GRK3: variants seen among roughly 807,000 people sequenced by gnomAD.
GRK3 encodes adrenergic, beta, receptor kinase 2.
A neutral mutation model predicts 95.7 loss-of-function variants in GRK3; 54 were observed. That is an observed-to-expected ratio of 0.56 (90% CI 0.45 to 0.71). The LOEUF is 0.71. GRK3 is among the 30% of genes least tolerant of loss of function. The probability of loss-of-function intolerance (pLI) is 0.00; values close to 1 mark genes in which losing one functional copy is unlikely to be tolerated. For missense variants in GRK3, 649 were observed against 851.2 expected, an observed-to-expected ratio of 0.76 and a Z score of 2.96; for synonymous variants, 281 against 290.8, an observed-to-expected ratio of 0.97 and a Z score of 0.34.
intron 2 of GRK3, among the ~76,000 whole-genome samples, chr22:25,635,681 C>G (rs189984902): frequency 1.1e-4 from 17 of 152,250 alleles, no homozygotes; most frequent in Admixed American, 2.6e-4. Flanking sequence ...TTACGTTGTC[C>G]CAAGTCTGAT....
intron 1 of GRK3, among the ~76,000 whole-genome samples, chr22:25,576,783 G>A (rs1387103049): frequency 1.3e-5 from 2 of 152,190 alleles, no homozygotes; most frequent in Non-Finnish European, 2.9e-5. Flanking sequence ...GACTAGAGGA[G>A]CACTGTCAAT....
At chr22:25,690,983 T>C (rs2085160702) in intron 12 of GRK3, among the ~76,000 whole-genome samples, 1 of 152,150 alleles carries the variant, frequency 6.6e-6, no homozygotes. Flanking sequence ...CTTCTGGGTG[T>C]GGCCCTGCTT....
chr22:25,653,908 C>T (rs1033019595), intron 3 of GRK3, among the ~76,000 whole-genome samples: 6 of 152,080 alleles, frequency 3.9e-5, no homozygotes, highest in Non-Finnish European at 7.4e-5. Context: ...AGCCTGGTCT[C>T]GAACTCCTGA....
intron 1 of GRK3, among the ~76,000 whole-genome samples, chr22:25,570,315 C>T (rs1309927014): frequency 6.6e-6 from 1 of 152,214 alleles, no homozygotes; most frequent in African/African-American, 2.4e-5. Context: ...TCTCACCCCC[C>T]AAGGCCTCAA....
At position 25,663,724 on chromosome 22, in the gene GRK3, A is replaced by C; in HGVS notation, c.441+20A>C. ...TTTCAGGTAAGATAAAATTATTCCAAAATAAATAGATAATATTTGCTTAAC... is the reference window on the plus strand; with the variant it reads ...TTTCAGGTAAGATAAAATTATTCCACAATAAATAGATAATATTTGCTTAAC... On this transcript the variant is annotated intron_variant, in intron 5 of 20. Coordinates refer to ENST00000324198, the MANE Select transcript of GRK3 (RefSeq NM_005160.4). 1.3e-6 allele frequency: 2 copies of C among 1,528,326 alleles called. No individual in the cohort carries two copies. The highest frequency in any genetic ancestry group is 1.1e-5 in the South Asian group (1 of 87,468). 94.7% of individuals were successfully genotyped at this position (1,528,326 alleles called of 1,614,324 possible).
rs564585157 is a variant in GRK3, at chr22:25,687,478, A to G, written c.827-59A>G. 15 of 1,581,936 alleles carry G rather than the reference A, an allele frequency of 9.5e-6. No individual in the cohort carries two copies. The African/African-American group carries it at 1.6e-4, about 17-fold the overall frequency. On this transcript the variant is annotated intron_variant, in intron 10 of 20. Coordinates refer to ENST00000324198, the MANE Select transcript of GRK3 (RefSeq NM_005160.4). ...TGAGTCCTGACTATTTAGGATGACAATGATATTTGTTTCCTTTAAATTAAC... is the reference window on the plus strand; with the variant it reads ...TGAGTCCTGACTATTTAGGATGACAGTGATATTTGTTTCCTTTAAATTAAC...
In GRK3 at chr22:25,703,560, G is replaced by A. The variant is rs2085274715; in HGVS notation, c.1211G>A (p.Arg404Gln). ...ACCAAAGACAAGCATGAAATTGACC[G>A]AATGACACTCACCGTGGTAAGGGGA... ...HKTKDKHEID[R>Q]MTLTVNVELP... Residue 404 changes from arginine to glutamine, a missense_variant, in exon 14 of 21, where the codon CGA (arginine) becomes CAA (glutamine). Arg to Gln is a conservative substitution (Grantham distance 43, BLOSUM62 1). This residue lies in a region of GRK3 where 382 missense variants were observed against 493.8 expected (regional missense o/e 0.77). Coordinates refer to ENST00000324198, the MANE Select transcript of GRK3 (RefSeq NM_005160.4). 7 of 1,612,368 alleles carry A rather than the reference G, an allele frequency of 4.3e-6. No homozygotes were observed. The highest frequency in any genetic ancestry group is 3.3e-5 in the South Asian group (3 of 90,996).
intron 9 of GRK3, among the ~76,000 whole-genome samples, chr22:25,680,429 G>A (rs2085065137): frequency 6.6e-6 from 1 of 152,140 alleles, no homozygotes; most frequent in Non-Finnish European, 1.5e-5. Flanking sequence ...ATTTTAAGTG[G>A]TTATTAAAAT....
intron 2 of GRK3, among the ~76,000 whole-genome samples, chr22:25,636,741 ATTTT>A (rs570333639): frequency 4.7e-5 from 7 of 150,492 alleles, no homozygotes; most frequent in African/African-American, 1.7e-4. Context: ...CATTTTTCTG[ATTTT>A]TTTTTTAAAA....
In GRK3 at chr22:25,676,616, G is replaced by A. The variant is rs183523934; in HGVS notation, c.647+2088G>A. 1.4e-4 allele frequency among the ~76,000 whole-genome samples: 22 copies of A among 151,956 alleles called. No individual in the cohort carries two copies. In the East Asian group the frequency reaches 3.7e-3, roughly 25 times the overall value. ...TGAGGCAGGAGAATTGCTTGAACCC[G>A]GGAGGTGGAAGTTGCAGTGAACCAA... is the stretch of plus-strand genomic sequence containing the variant. On this transcript the variant is annotated intron_variant, in intron 8 of 20. Coordinates refer to ENST00000324198, the MANE Select transcript of GRK3 (RefSeq NM_005160.4).
intron 3 of GRK3, among the ~76,000 whole-genome samples, chr22:25,646,399 G>T (rs577766248): frequency 6.6e-6 from 1 of 152,300 alleles, no homozygotes; most frequent in East Asian, 1.9e-4. Flanking sequence ...TAGCAGATTG[G>T]TTAGAGTTCC....
At chr22:25,609,255 A>G (rs549039685) in intron 2 of GRK3, among the ~76,000 whole-genome samples, 1 of 152,304 alleles carries the variant, frequency 6.6e-6, no homozygotes, top group East Asian at 1.9e-4. Flanking sequence ...TCTGTGGACA[A>G]TCTACTTAGC....
intron 3 of GRK3, chr22:25,648,550 C>A: frequency 6.9e-7 from 1 of 1,440,432 alleles, no homozygotes; most frequent in Non-Finnish European, 9.7e-7. Context: ...ATGCCAGAAG[C>A]TTTTCTTCAA....
intron 2 of GRK3, among the ~76,000 whole-genome samples, chr22:25,614,732 A>G (rs1234510799): frequency 6.6e-6 from 1 of 152,234 alleles, no homozygotes; most frequent in Non-Finnish European, 1.5e-5. Context: ...TATCAACTGT[A>G]TAATTTTTAT....
At chr22:25,705,313 C>A (rs953042928) in intron 15 of GRK3, among the ~76,000 whole-genome samples, 2 of 152,142 alleles carry the variant, frequency 1.3e-5, no homozygotes, top group African/African-American at 4.8e-5. Flanking sequence ...CTTTTTCCAA[C>A]TATAAACAGT....
intron 10 of GRK3, among the ~76,000 whole-genome samples, chr22:25,686,221 C>G (rs1250112147): frequency 9.6e-6 from 1 of 104,030 alleles, no homozygotes; most frequent in African/African-American, 3.6e-5. Context: ...GACTCCGTCT[C>G]AAAAAAAAAA....
At chr22:25,641,869 G>A (rs2084745710) in intron 2 of GRK3, among the ~76,000 whole-genome samples, 2 of 152,180 alleles carry the variant, frequency 1.3e-5, no homozygotes, top group Non-Finnish European at 1.5e-5. Context: ...AGAGGACGTG[G>A]GTAGGCTATG....
chr22:25,591,988 G>C (rs1932508470), intron 1 of GRK3, among the ~76,000 whole-genome samples: 1 of 152,140 alleles, frequency 6.6e-6, no homozygotes, highest in Non-Finnish European at 1.5e-5. Flanking sequence ...TTTCTCTCAG[G>C]TAAAATACCT....
intron 1 of GRK3, among the ~76,000 whole-genome samples, chr22:25,594,942 G>A (rs1249719071): frequency 6.6e-6 from 1 of 151,766 alleles, no homozygotes; most frequent in African/African-American, 2.4e-5. Flanking sequence ...CTCAATAGAC[G>A]TGGAAAAAGC....
Sources: gnomAD v4.1 joint callset for allele counts (sites outside exome capture counted in the v4.1 genomes callset) on GRCh38, gnomAD v4.1.1 for gene constraint, gnomAD v4.1.1 regional missense constraint, MANE v1.5 for transcripts, NCBI Gene and HGNC (gene_info 2026-07-23, HGNC 2026-07-21) for gene names.